The following RIMS2 variants were observed in gnomAD, a reference collection of about 807,000 sequenced individuals.
RIMS2 encodes regulating synaptic membrane exocytosis protein 2.
Under a neutral mutation model 174.4 loss-of-function variants are expected in RIMS2, and 59 were observed. The observed-to-expected ratio is 0.34, with a 90% confidence interval of 0.27 to 0.42. The LOEUF (loss-of-function observed/expected upper bound fraction) is 0.42, where lower values mean the gene tolerates loss of function less well. RIMS2 is among the 10% of genes least tolerant of loss of function. The pLI is 1.00. For missense variants in RIMS2, 1,620 were observed against 1,666.3 expected, an observed-to-expected ratio of 0.97 and a Z score of 0.48; for synonymous variants, 606 against 572.5, an observed-to-expected ratio of 1.06 and a Z score of -0.84.
intron 2 of RIMS2, among the ~76,000 whole-genome samples, chr8:103,753,760 A>G (rs895895396): frequency 1.9e-4 from 29 of 151,940 alleles, no homozygotes; most frequent in African/African-American, 6.0e-4. Flanking sequence ...TATTTCTGTG[A>G]GATTGGTGGT....
chr8:104,034,748 G>A (rs1415501501), intron 19 of RIMS2, among the ~76,000 whole-genome samples: 3 of 152,030 alleles, frequency 2.0e-5, no homozygotes, highest in Non-Finnish European at 4.4e-5. Context: ...GGAATTACAG[G>A]CATGAGCTAC....
chr8:103,774,267 C>G (rs2098286529), intron 3 of RIMS2, among the ~76,000 whole-genome samples: 1 of 152,184 alleles, frequency 6.6e-6, no homozygotes, highest in Admixed American at 6.5e-5. Context: ...AAGTGTTTGA[C>G]AGTTTCTTAT....
intron 3 of RIMS2, among the ~76,000 whole-genome samples, chr8:103,785,611 G>A (rs1483731044): frequency 6.6e-6 from 1 of 152,078 alleles, no homozygotes; most frequent in Non-Finnish European, 1.5e-5. Flanking sequence ...TGCATCCCAG[G>A]GATGAAGCCC....
intron 19 of RIMS2, among the ~76,000 whole-genome samples, chr8:104,199,252 C>T (rs1223810934): frequency 3.3e-5 from 5 of 151,432 alleles, no homozygotes; most frequent in African/African-American, 9.7e-5. Context: ...TTAATAGAGA[C>T]GGGGTTTCAC....
chr8:103,825,443 C>T (rs2098783274), intron 3 of RIMS2, among the ~76,000 whole-genome samples: 1 of 101,270 alleles, frequency 9.9e-6, no homozygotes, highest in Non-Finnish European at 1.9e-5. Context: ...CAATGGCTAG[C>T]TAATTTTTTT....
intron 17 of RIMS2, among the ~76,000 whole-genome samples, chr8:103,996,344 A>C (rs1347774440): frequency 6.6e-6 from 1 of 151,968 alleles, no homozygotes; most frequent in Admixed American, 6.6e-5. Flanking sequence ...CCTCGTAAAT[A>C]GGCAAAGGGT....
At chr8:103,612,988 C>G (rs1297545575) in intron 1 of RIMS2, among the ~76,000 whole-genome samples, 2 of 152,134 alleles carry the variant, frequency 1.3e-5, no homozygotes, top group African/African-American at 4.8e-5. Context: ...ACCACTGATA[C>G]TGCTTTGGGT....
At chr8:103,864,301 G>A (rs1314819179) in intron 3 of RIMS2, among the ~76,000 whole-genome samples, 3 of 152,000 alleles carry the variant, frequency 2.0e-5, no homozygotes, top group Non-Finnish European at 1.5e-5. Context: ...TCTTTTTGAT[G>A]TAGGCATTTA....
chr8:103,961,568 C>T (rs1044136497), intron 15 of RIMS2, among the ~76,000 whole-genome samples: 4 of 151,964 alleles, frequency 2.6e-5, no homozygotes, highest in Non-Finnish European at 5.9e-5. Flanking sequence ...TGTACAGCTA[C>T]GTTTTGAAAT....
chr8:103,685,087 A>G (rs550450940), intron 1 of RIMS2, among the ~76,000 whole-genome samples: 3 of 147,974 alleles, frequency 2.0e-5, no homozygotes, highest in African/African-American at 7.4e-5. Context: ...TGTTTTTTAC[A>G]CATGGATTTT....
intron 1 of RIMS2, among the ~76,000 whole-genome samples, chr8:103,607,762 T>G (rs1366536257): frequency 1.5e-5 from 2 of 136,414 alleles, no homozygotes; most frequent in Non-Finnish European, 3.1e-5. Flanking sequence ...CATCTTCCAT[T>G]GCTGATACCC....
chr8:104,145,729 G>A (rs559392711), intron 19 of RIMS2, among the ~76,000 whole-genome samples: 29 of 147,186 alleles, frequency 2.0e-4, no homozygotes, highest in African/African-American at 7.3e-4. Context: ...CGGACATGGT[G>A]GTGCATGCCT....
chr8:103,839,742 C>T (rs1353241037), intron 3 of RIMS2, among the ~76,000 whole-genome samples: 1 of 152,206 alleles, frequency 6.6e-6, no homozygotes, highest in Non-Finnish European at 1.5e-5. Flanking sequence ...AGCTTATTCA[C>T]TTAGCTCTCT....
At chr8:104,223,244 GTGCA>G in intron 19 of RIMS2, 2 of 389,376 alleles carry the variant, frequency 5.1e-6, no homozygotes, top group Non-Finnish European at 7.1e-6. Context: ...GCCCACCGAG[GTGCA>G]GCCGCGCCGC....
chr8:103,984,136 T>C (rs1038011992), intron 16 of RIMS2, among the ~76,000 whole-genome samples: 1 of 151,638 alleles, frequency 6.6e-6, no homozygotes, highest in Non-Finnish European at 1.5e-5. Context: ...ATCGCGCCAC[T>C]GCACTCCAGC....
At chr8:103,879,421 AT>A (rs200766147) in intron 3 of RIMS2, among the ~76,000 whole-genome samples, 1 of 150,438 alleles carries the variant, frequency 6.6e-6, no homozygotes, top group South Asian at 2.1e-4. Flanking sequence ...GGGCAAATGG[AT>A]TTTTTTTTCA....
intron 1 of RIMS2, among the ~76,000 whole-genome samples, chr8:103,625,497 G>A (rs74976716): frequency 3.4e-3 from 523 of 152,028 alleles, no homozygotes; most frequent in Non-Finnish European, 5.6e-3. Flanking sequence ...ATTACCTAAC[G>A]CAGTAACTTA....
chr8:104,252,117 A>AAC (rs1436366071), downstream of RIMS2: 3 of 413,746 alleles, frequency 7.3e-6, no homozygotes, highest in East Asian at 8.1e-5. Flanking sequence ...AGTTTCATGC[A>AAC]ACAGAAGCCC....
At chr8:103,957,670 T>A (rs751955834) in intron 14 of RIMS2, among the ~76,000 whole-genome samples, 1 of 152,144 alleles carries the variant, frequency 6.6e-6, no homozygotes, top group African/African-American at 2.4e-5. Context: ...GATGGTTTGA[T>A]GGATGCCACA....
Sources: allele counts gnomAD v4.1 joint callset (sites outside exome capture counted in the v4.1 genomes callset), GRCh38; gene constraint gnomAD v4.1.1; transcripts MANE v1.5; gene names NCBI Gene and HGNC (gene_info 2026-07-23, HGNC 2026-07-21).